Variants in PLGRKT observed in about 807,000 individuals in gnomAD.
PLGRKT encodes the protein plasminogen receptor with a C-terminal lysine.
PLGRKT carries 22 observed loss-of-function variants against 18.5 expected under a neutral mutation model. The observed-to-expected ratio is 1.19, with a 90% CI of 0.85 to 1.70. The LOEUF is 1.70. PLGRKT is among the 40% of genes most tolerant of loss of function. The pLI, the probability that PLGRKT is intolerant of heterozygous loss-of-function variation, is 0.00. For missense variants in PLGRKT, 235 were observed against 174.4 expected (o/e 1.35, Z -1.96); for synonymous variants, 72 against 52.8 (o/e 1.36, Z -1.58).
chr9:5,380,401 A>G (rs1335870539), intron 3 of PLGRKT, among the ~76,000 whole-genome samples: 2 of 151,730 alleles, frequency 1.3e-5, no homozygotes, highest in Non-Finnish European at 1.5e-5. Context: ...AATAAAAATA[A>G]TAGCTAATAT....
chr9:5,417,871 A>T (rs1818494096), intron 3 of PLGRKT, among the ~76,000 whole-genome samples: 1 of 152,212 alleles, frequency 6.6e-6, no homozygotes, highest in South Asian at 2.1e-4. Flanking sequence ...AAGCCTCAGC[A>T]ACTAAATGAA....
intron 3 of PLGRKT, among the ~76,000 whole-genome samples, chr9:5,400,470 G>A (rs1376551047): frequency 6.6e-6 from 1 of 151,720 alleles, no homozygotes; most frequent in Non-Finnish European, 1.5e-5. Flanking sequence ...TAACCTGATG[G>A]TCCCTGTATT....
At chr9:5,399,505 G>C (rs897829812) in intron 3 of PLGRKT, among the ~76,000 whole-genome samples, 9 of 151,760 alleles carry the variant, frequency 5.9e-5, no homozygotes, top group African/African-American at 2.2e-4. Flanking sequence ...GCAAGTGACA[G>C]TTAGTGAATA....
At chr9:5,401,672 G>C (rs1442652571) in intron 3 of PLGRKT, among the ~76,000 whole-genome samples, 3 of 151,816 alleles carry the variant, frequency 2.0e-5, no homozygotes, top group Admixed American at 6.6e-5. Flanking sequence ...ATGTAAATTT[G>C]TTAATTGTTA....
chr9:5,383,271 G>C (rs566731937), intron 3 of PLGRKT, among the ~76,000 whole-genome samples: 2 of 152,298 alleles, frequency 1.3e-5, no homozygotes, highest in South Asian at 4.1e-4. Context: ...CCTCGATTCA[G>C]ACTTCTGGCC....
In PLGRKT at chr9:5,361,089, T is replaced by C. The variant is rs1817252608; in HGVS notation, c.311A>G (p.Glu104Gly). The C allele has an allele frequency of 1.3e-6, 2 of 1,528,054 alleles. No homozygotes were observed. The highest frequency in any genetic ancestry group is 1.8e-6 in the Non-Finnish European group (2 of 1,104,116). The allele number at this position is 1,528,054 out of a possible 1,614,324, so 94.7% of individuals were successfully genotyped here. A position where few individuals can be genotyped will look rare whatever the true frequency, so the allele number is the denominator to read the frequency against. ...TACCAAAGACTTACCTTTCATTCTTTCTAAAAGGGTTCCATAGCCCAAGTC... is the reference window on the plus strand; with the variant it reads ...TACCAAAGACTTACCTTTCATTCTTCCTAAAAGGGTTCCATAGCCCAAGTC... ...QYDLGYGTLL[E>G]RMKGEAEDIL... The change falls in exon 5 of 6, where the codon GAA (glutamate) becomes GGA (glycine). Residue 104 changes from glutamate to glycine, a missense_variant. Transcript: ENST00000223864.
intron 3 of PLGRKT, among the ~76,000 whole-genome samples, chr9:5,374,928 A>G (rs1219425023): frequency 1.3e-5 from 2 of 152,168 alleles, no homozygotes; most frequent in South Asian, 4.1e-4. Flanking sequence ...ATTTGTATAA[A>G]TCTAAGATTT....
chr9:5,380,467 C>T (rs191395966), intron 3 of PLGRKT, among the ~76,000 whole-genome samples: 195 of 151,862 alleles, frequency 1.3e-3, no homozygotes, highest in African/African-American at 4.3e-3. Context: ...CTCATTTACT[C>T]CTCATTTAAT....
Position 5,418,239 on chromosome 9 carries a change from A to G in PLGRKT, c.81+13658T>C. The stretch of plus-strand genomic sequence containing the variant: ...CATGTCTGTCTTGCGGTAAATCAAG[A>G]GGCAAACCAGAGGCCAGCTCTCAGC... On this transcript the variant is annotated intron_variant, in intron 3 of 5. Transcript: ENST00000223864. The surrounding 1 kb of genome is among the most constrained non-coding windows in gnomAD (Gnocchi z 4.2). The G allele has an allele frequency of 2.8e-6, 1 of 357,374 alleles. No homozygotes were observed. The highest frequency in any genetic ancestry group is 5.3e-6 in the Non-Finnish European group (1 of 187,868). The allele number at this position is 357,374 out of a possible 1,614,324, so 22.1% of individuals were successfully genotyped here. A position where few individuals can be genotyped will look rare whatever the true frequency, so the allele number is the denominator to read the frequency against.
rs573612309 is a variant in PLGRKT, at chr9:5,375,111, T to A, written c.82-13223A>T. On this transcript the variant is annotated intron_variant, in intron 3 of 5. Transcript: ENST00000223864. ...TCAACTTCAGAAGCATAAATATAAA[T>A]GTAATTAAAATTCTATACTATAAAA... is the stretch of plus-strand genomic sequence containing the variant. 1.1e-4 allele frequency among the ~76,000 whole-genome samples: 16 copies of A among 152,304 alleles called. 1 individual carries two copies. In the East Asian group the frequency reaches 2.7e-3, roughly 26 times the overall value.
chr9:5,429,872 G>T (rs919376545), intron 3 of PLGRKT, among the ~76,000 whole-genome samples: 1 of 152,162 alleles, frequency 6.6e-6, no homozygotes, highest in Non-Finnish European at 1.5e-5. Context: ...AACCCATGGA[G>T]GCTTGTAACT....
intron 3 of PLGRKT, among the ~76,000 whole-genome samples, chr9:5,428,232 C>T (rs1015207331): frequency 1.3e-5 from 2 of 152,188 alleles, no homozygotes; most frequent in East Asian, 1.9e-4. Context: ...AAAGTAAATA[C>T]AAAGCCTTGC....
intron 3 of PLGRKT, among the ~76,000 whole-genome samples, chr9:5,415,954 A>G (rs1818450936): frequency 6.7e-6 from 1 of 148,780 alleles, no homozygotes; most frequent in South Asian, 2.1e-4. Context: ...GAAATATCAA[A>G]AAAAAAAAAA....
intron 3 of PLGRKT, among the ~76,000 whole-genome samples, chr9:5,412,005 T>G (rs972765418): frequency 6.6e-6 from 1 of 152,112 alleles, no homozygotes; most frequent in Non-Finnish European, 1.5e-5. Context: ...CAAGAAAACA[T>G]TGAAAAAGAA....
At chr9:5,429,910 T>G (rs1263620697) in intron 3 of PLGRKT, among the ~76,000 whole-genome samples, 1 of 152,016 alleles carries the variant, frequency 6.6e-6, no homozygotes, top group Non-Finnish European at 1.5e-5. Context: ...CATTTTGGGG[T>G]GGGTCAACCA....
intron 3 of PLGRKT, among the ~76,000 whole-genome samples, chr9:5,401,650 T>G (rs1157201924): frequency 6.6e-6 from 1 of 151,952 alleles, no homozygotes; most frequent in Non-Finnish European, 1.5e-5. Context: ...CAGCATTTTT[T>G]ACTTTCGTTT....
intron 3 of PLGRKT, among the ~76,000 whole-genome samples, chr9:5,430,957 C>T (rs1340315611): frequency 6.6e-6 from 1 of 152,232 alleles, no homozygotes; most frequent in Non-Finnish European, 1.5e-5. Context: ...TAAGGTTTCA[C>T]ACTCCATGTT....
chr9:5,379,095 TAGAATCAACA>T (rs1817687065), intron 3 of PLGRKT, among the ~76,000 whole-genome samples: 1 of 152,106 alleles, frequency 6.6e-6, no homozygotes, highest in African/African-American at 2.4e-5. Context: ...AACAAACTAT[TAGAATCAACA>T]AGATTCTAAT....
intron 3 of PLGRKT, among the ~76,000 whole-genome samples, chr9:5,395,258 T>C (rs1390114949): frequency 6.6e-6 from 1 of 151,970 alleles, no homozygotes; most frequent in Non-Finnish European, 1.5e-5. Flanking sequence ...GACAAACTTT[T>C]ATTAGGATTT....
Sources: gnomAD v4.1 joint callset for allele counts (sites outside exome capture counted in the v4.1 genomes callset) on GRCh38, gnomAD v4.1.1 for gene constraint, Gnocchi (gnomAD v3.1) non-coding constraint, MANE v1.5 for transcripts, NCBI Gene and HGNC (gene_info 2026-07-23, HGNC 2026-07-21) for gene names.